GRPEL2: variants seen among roughly 807,000 people sequenced by gnomAD.
GRPEL2 encodes grpE protein homolog 2, mitochondrial.
A neutral mutation model predicts 25.9 loss-of-function variants in GRPEL2; 18 were observed. That is an observed-to-expected ratio of 0.70 (90% CI 0.48 to 1.03). GRPEL2 has a LOEUF of 1.03. GRPEL2 is among the 50% of genes least tolerant of loss of function. GRPEL2 has a pLI of 0.00. For synonymous variants in GRPEL2, 106 were observed against 107.9 expected (o/e 0.98, Z 0.11); for missense variants, 247 against 276.2 (o/e 0.89, Z 0.75).
chr5:149,354,045 C>T lies in GRPEL2; in HGVS notation c.*2763C>T, dbSNP rs975685209. The T allele has an allele frequency of 6.6e-6, 1 of 152,090 alleles. No individual in the cohort carries two copies. The highest frequency in any genetic ancestry group is 1.5e-5 in the Non-Finnish European group (1 of 68,016). 9.4% of individuals were successfully genotyped at this position (152,090 alleles called of 1,614,324 possible). On this transcript the variant is annotated 3_prime_UTR_variant, in exon 4 of 4. Coordinates refer to ENST00000329271, the MANE Select transcript of GRPEL2 (RefSeq NM_152407.4). ...TTTTTTTATTATGCACATTGTTTTT[C>T]CTGCCTTTTTATGGCTGTCTAAAGT...
Position 149,354,346 on chromosome 5 carries a change from G to A in GRPEL2, c.*3064G>A, listed in dbSNP as rs1353107072. 1 of 152,188 alleles carries A rather than the reference G, an allele frequency of 6.6e-6. No homozygotes were observed. The highest frequency in any genetic ancestry group is 1.5e-5 in the Non-Finnish European group (1 of 68,044). The allele number at this position is 152,188 out of a possible 1,614,324, so 9.4% of individuals were successfully genotyped here. On this transcript the variant is annotated 3_prime_UTR_variant, in exon 4 of 4. Transcript: ENST00000329271. ...ATCTTGGTGTTGTAGTACTTGGACT[G>A]TACAAATGTTTTACTGACTTTTCTT... is the stretch of plus-strand genomic sequence containing the variant.
intron 3 of GRPEL2, 153 bp downstream of exon 3, chr5:149,349,888 A>G: frequency 1.6e-6 from 1 of 619,278 alleles, no homozygotes; most frequent in Non-Finnish European, 2.8e-6. Context: ...TCTACTGAAA[A>G]TACAAACTAG....
At position 149,351,008 on chromosome 5, in the gene GRPEL2, A is replaced by G. The variant is rs1757764854; in HGVS notation, c.404A>G (p.Asp135Gly). The change falls in exon 4 of 4, where the codon GAC becomes GGC. Residue 135 changes from aspartate (D) to glycine (G), a missense_variant. By Grantham distance (94) the Asp-to-Gly change is moderately conservative (BLOSUM62 -1). Coordinates refer to ENST00000329271, the MANE Select transcript of GRPEL2 (RefSeq NM_152407.4). ...ECISEESEPE[D>G]QKLTLEKVFR... ...ATTTCTGAAGAATCGGAGCCTGAGGACCAAAAGCTCACTCTGGAGAAGGTC... is the reference window on the plus strand; with the variant it reads ...ATTTCTGAAGAATCGGAGCCTGAGGGCCAAAAGCTCACTCTGGAGAAGGTC... 1.2e-6 allele frequency: 2 copies of G among 1,614,096 alleles called. No homozygotes were observed. The highest frequency in any genetic ancestry group is 2.7e-5 in the African/African-American group (2 of 74,932).
chr5:149,351,422 T>C lies in GRPEL2; in HGVS notation c.*140T>C, dbSNP rs1757774048. The stretch of plus-strand genomic sequence containing the variant: ...AGTCATATTGGCTTTATTTCTAAGA[T>C]ATTCTATTGATTTAATGTGACCTGT... On this transcript the variant is annotated 3_prime_UTR_variant, in exon 4 of 4. Transcript: ENST00000329271. 2.2e-6 allele frequency: 2 copies of C among 909,822 alleles called. No individual in the cohort carries two copies. The highest frequency in any genetic ancestry group is 3.6e-5 in the South Asian group (2 of 56,298). The allele number at this position is 909,822 out of a possible 1,614,324, so 56.4% of individuals were successfully genotyped here.
In GRPEL2 at chr5:149,350,656, G is replaced by A. The variant is rs1056557229; in HGVS notation, c.314-262G>A. On this transcript the variant is annotated intron_variant, in intron 3 of 3. Coordinates refer to ENST00000329271, the MANE Select transcript of GRPEL2 (RefSeq NM_152407.4). ...TAAAGAACAGGTTTAAGCCTGTTGT[G>A]TATAGTCTTACCTAGTTCTTGGGTT... is the stretch of plus-strand genomic sequence containing the variant. Among the ~76,000 whole-genome samples the A allele has an allele frequency of 5.9e-5, 9 of 152,348 alleles. No individual in the cohort carries two copies. The East Asian group carries it at 1.7e-3, about 29-fold the overall frequency.
At chr5:149,348,174 G>C in intron 1 of GRPEL2, 98 bp from the exon 2 acceptor site, 2 of 1,110,150 alleles carry the variant, frequency 1.8e-6, no homozygotes, top group Non-Finnish European at 2.6e-6. Context: ...ACTTTCTCCA[G>C]AGATTCCATC....
At chr5:149,350,495 T>C (rs1757758070) in intron 3 of GRPEL2, among the ~76,000 whole-genome samples, 1 of 152,208 alleles carries the variant, frequency 6.6e-6, no homozygotes, top group Non-Finnish European at 1.5e-5. Context: ...AGTGCCCTTC[T>C]CGTGAAATAT....
rs73795987 is a variant in GRPEL2, at chr5:149,352,017, A to T, written c.*735A>T. 6.6e-6 allele frequency: 1 copy of T among 152,184 alleles called. No individual in the cohort carries two copies. Among genetic ancestry groups the T allele is most frequent in the Non-Finnish European group, 1.5e-5 (1 of 68,026 alleles). The allele number at this position is 152,184 out of a possible 1,614,324, so 9.4% of individuals were successfully genotyped here. ...ATTATTTTCAGCCTCCTTGTCATAT[A>T]ATCATTTCAGGCAAACTGAGGCAAC... On this transcript the variant is annotated 3_prime_UTR_variant, in exon 4 of 4. Coordinates refer to ENST00000329271, the MANE Select transcript of GRPEL2 (RefSeq NM_152407.4).
chr5:149,345,552 T>A lies in GRPEL2; in HGVS notation c.13T>A (p.Ser5Thr), dbSNP rs763304404. Residue 5 changes from serine to threonine, a missense_variant, in exon 1 of 4, where the codon TCG (serine) becomes ACG (threonine). Physicochemically the swap from Ser to Thr is moderately conservative, Grantham distance 58. Coordinates refer to ENST00000329271, the MANE Select transcript of GRPEL2 (RefSeq NM_152407.4). MAVR[S>T]LWAGRLRVQR... Reference sequence around the variant, plus strand: ...CCAAATTGGAAACATGGCCGTACGGTCGCTGTGGGCGGGCCGGCTGCGGGT... The same window carrying A: ...CCAAATTGGAAACATGGCCGTACGGACGCTGTGGGCGGGCCGGCTGCGGGT... 15 of 1,611,682 alleles carry A rather than the reference T, an allele frequency of 9.3e-6. No homozygotes were observed. The highest frequency in any genetic ancestry group is 1.3e-5 in the Non-Finnish European group (15 of 1,179,176).
chr5:149,345,937 G>A, intron 1 of GRPEL2: 1 of 367,148 alleles, frequency 2.7e-6, no homozygotes, highest in South Asian at 3.4e-5. Flanking sequence ...GTACCTGTGG[G>A]TAAATTTGGG....
chr5:149,348,484 A>G, intron 2 of GRPEL2, 59 bp downstream of exon 2: 2 of 1,397,068 alleles, frequency 1.4e-6, no homozygotes, highest in East Asian at 2.5e-5. Flanking sequence ...ATCCACATAA[A>G]GTTTTTTATG....
rs1224919591 is a variant in GRPEL2 at position 149,345,537 on chromosome 5, A to T, written c.-3A>T. 1.2e-6 allele frequency: 2 copies of T among 1,610,642 alleles called. No homozygotes were observed. The highest frequency in any genetic ancestry group is 1.7e-6 in the Non-Finnish European group (2 of 1,178,702). On this transcript the variant is annotated 5_prime_UTR_variant, in exon 1 of 4. Transcript: ENST00000329271. ...GCGCTGCCTCTCAGCCCAAATTGGAAACATGGCCGTACGGTCGCTGTGGGC... is the reference window on the plus strand; with the variant it reads ...GCGCTGCCTCTCAGCCCAAATTGGATACATGGCCGTACGGTCGCTGTGGGC...
At chr5:149,348,171 C>T in intron 1 of GRPEL2, 101 bp from the exon 2 acceptor site, 1 of 1,075,366 alleles carries the variant, frequency 9.3e-7, no homozygotes, top group South Asian at 1.6e-5. Context: ...AACACTTTCT[C>T]CAGAGATTCC....
chr5:149,349,056 C>G (rs1757734618), intron 2 of GRPEL2, among the ~76,000 whole-genome samples: 1 of 151,842 alleles, frequency 6.6e-6, no homozygotes, highest in Admixed American at 6.6e-5. Flanking sequence ...AGTACAATGG[C>G]ATGATCTCAG....
At chr5:149,349,017 C>T (rs939097797) in intron 2 of GRPEL2, among the ~76,000 whole-genome samples, 6 of 150,890 alleles carry the variant, frequency 4.0e-5, no homozygotes, top group South Asian at 2.1e-4. Context: ...TTAAATGAGA[C>T]GTAGTTTCAC....
In GRPEL2 at chr5:149,354,216, A is replaced by G. The variant is rs1757821606; in HGVS notation, c.*2934A>G. 6.6e-6 allele frequency: 1 copy of G among 152,168 alleles called. No individual in the cohort carries two copies. Among genetic ancestry groups the G allele is most frequent in the African/African-American group, 2.4e-5 (1 of 41,432 alleles). The allele number at this position is 152,168 out of a possible 1,614,324, so 9.4% of individuals were successfully genotyped here. Reference sequence around the variant, plus strand: ...ATTTTTAGATGGAAAGAGCAAGAAAATTGTGTCAGTGCTCTTAGTTATTTT... The same window carrying G: ...ATTTTTAGATGGAAAGAGCAAGAAAGTTGTGTCAGTGCTCTTAGTTATTTT... On this transcript the variant is annotated 3_prime_UTR_variant, in exon 4 of 4. Coordinates refer to ENST00000329271, the MANE Select transcript of GRPEL2 (RefSeq NM_152407.4).
intron 3 of GRPEL2, 118 bp from the exon 4 acceptor site, chr5:149,350,800 C>T (rs1757762283): frequency 9.5e-7 from 1 of 1,053,402 alleles, no homozygotes; most frequent in Non-Finnish European, 1.4e-6. Flanking sequence ...GTGTGGCAAC[C>T]TTTCCACTTG....
At chr5:149,350,142 C>T (rs116659651) in intron 3 of GRPEL2, among the ~76,000 whole-genome samples, 1 of 152,192 alleles carries the variant, frequency 6.6e-6, no homozygotes, top group African/African-American at 2.4e-5. Context: ...GTCAGATTAA[C>T]AAAGTCCTTG....
intron 3 of GRPEL2, 144 bp from the exon 4 acceptor site, chr5:149,350,774 A>T: frequency 1.3e-6 from 1 of 786,166 alleles, no homozygotes; most frequent in Non-Finnish European, 2.1e-6. Flanking sequence ...GTAATCAGTG[A>T]TGATCTCTGA....
Sources: gnomAD v4.1 joint callset for allele counts (sites outside exome capture counted in the v4.1 genomes callset) on GRCh38, gnomAD v4.1.1 for gene constraint, MANE v1.5 for transcripts, NCBI Gene and HGNC (gene_info 2026-07-23, HGNC 2026-07-21) for gene names.